AFDN: variants seen among roughly 807,000 people sequenced by gnomAD.
AFDN encodes the protein afadin, adherens junction formation factor.
A neutral mutation model predicts 216.6 loss-of-function variants in AFDN; 68 were observed. The observed-to-expected ratio is 0.31, with a 90% CI of 0.26 to 0.38. The LOEUF (loss-of-function observed/expected upper bound fraction) is 0.38. AFDN is among the 10% of genes least tolerant of loss of function. The probability of loss-of-function intolerance (pLI) is 1.00; values close to 1 mark genes in which losing one functional copy is unlikely to be tolerated. For synonymous variants in AFDN, 868 were observed against 853.7 expected (o/e 1.02, Z -0.29); for missense variants, 2,136 against 2,342.0 (o/e 0.91, Z 1.82).
chr6:167,964,124 C>T (rs1797301089), intron 31 of AFDN: 1 of 1,064,056 alleles, frequency 9.4e-7, no homozygotes, highest in Non-Finnish European at 1.1e-6. Flanking sequence ...TTTCATAACT[C>T]ATGATTATTT....
At chr6:167,898,160 G>C in intron 10 of AFDN, 45 bp from the exon 11 acceptor site, 1 of 1,604,850 alleles carries the variant, frequency 6.2e-7, no homozygotes, top group Non-Finnish European at 8.5e-7. Flanking sequence ...TTTAAATGCT[G>C]TGAACTTCAT....
chr6:167,873,339 T>TCACTTGATATTTTTTC (rs1319398835), intron 4 of AFDN, among the ~76,000 whole-genome samples: 2 of 152,230 alleles, frequency 1.3e-5, no homozygotes, highest in African/African-American at 4.8e-5. Context: ...AACTGGATTT[T>TCACTTGATATTTTTTC]CACTTGATAT....
At chr6:167,891,195 A>T (rs1787528147) in intron 8 of AFDN, among the ~76,000 whole-genome samples, 166 bp downstream of exon 8, 1 of 152,218 alleles carries the variant, frequency 6.6e-6, no homozygotes, top group Admixed American at 6.5e-5. Context: ...CTCTTAAATT[A>T]TTAAAACTTA....
At chr6:167,920,914 C>T (rs1407349519) in intron 21 of AFDN, among the ~76,000 whole-genome samples, 1 of 152,136 alleles carries the variant, frequency 6.6e-6, no homozygotes, top group Non-Finnish European at 1.5e-5. Context: ...ATGTCTTCCC[C>T]AGGAGTGATT....
intron 22 of AFDN, 121 bp from the exon 23 acceptor site, chr6:167,924,884 C>G: frequency 1.3e-6 from 1 of 785,756 alleles, no homozygotes; most frequent in Non-Finnish European, 2.3e-6. Flanking sequence ...TGTTTATCTT[C>G]TCATCCTTTT....
rs116488930 is a variant in AFDN at position 167,943,605 on chromosome 6, C to G, written c.3239+130C>G. ...ATTACTCTTTACCTTTTATAGTGTA[C>G]GTGACATTTCACTTGTTATCAAATT... On this transcript the variant is annotated intron_variant, in intron 25 of 33. Coordinates refer to ENST00000683244, the MANE Select transcript of AFDN (RefSeq NM_001386888.1). The G allele has an allele frequency of 7.2e-4, 486 of 678,876 alleles. 4 individuals carry two copies. In the East Asian group the frequency reaches 0.012, roughly 17 times the overall value. The allele number at this position is 678,876 out of a possible 1,614,324, so 42.1% of individuals were successfully genotyped here.
intron 1 of AFDN, among the ~76,000 whole-genome samples, chr6:167,861,391 T>G (rs1449996627): frequency 6.6e-6 from 1 of 152,184 alleles, no homozygotes; most frequent in Non-Finnish European, 1.5e-5. Context: ...CCTGGAACAT[T>G]GTTTCCAGGA....
In AFDN at chr6:167,952,046, G is replaced by A. The variant is rs777902729; in HGVS notation, c.4692G>A (p.Leu1564=). The change falls in exon 30 of 34, where the codon CTG becomes CTA. Residue 1564 remains leucine (L), a synonymous_variant. Transcript: ENST00000683244. Reference sequence around the variant, plus strand: ...GCAGCGCCGAGGAGAGCGACCGGCTGCGCAAGCTCATGCTGGAGTGGCAGT... The same window carrying A: ...GCAGCGCCGAGGAGAGCGACCGGCTACGCAAGCTCATGCTGGAGTGGCAGT... ...PDRSAEESDR[L]RKLMLEWQFQ... The A allele has an allele frequency of 3.7e-6, 6 of 1,614,100 alleles. No homozygotes were observed. In the Admixed American group the frequency reaches 5.0e-5, roughly 13 times the overall value.
chr6:167,918,189 A>G (rs140295702), intron 20 of AFDN, among the ~76,000 whole-genome samples: 1 of 152,348 alleles, frequency 6.6e-6, no homozygotes, highest in East Asian at 1.9e-4. Context: ...ACTTTCCTAT[A>G]TGTGGGTAAT....
intron 8 of AFDN, among the ~76,000 whole-genome samples, chr6:167,893,375 G>A (rs987987067): frequency 3.3e-5 from 5 of 152,100 alleles, no homozygotes; most frequent in Non-Finnish European, 5.9e-5. Context: ...TATTTCCCCT[G>A]GGCACATTGT....
chr6:167,921,516 T>C (rs538324499), intron 21 of AFDN, among the ~76,000 whole-genome samples: 1 of 152,334 alleles, frequency 6.6e-6, no homozygotes, highest in Admixed American at 6.5e-5. Flanking sequence ...GCCGTCAATA[T>C]ATATTCCTTT....
intron 1 of AFDN, chr6:167,828,054 G>A (rs1167946016): frequency 6.6e-6 from 1 of 152,204 alleles, no homozygotes; most frequent in Non-Finnish European, 1.5e-5. Context: ...GTGAAGGGTC[G>A]GGGAGCAACC....
rs151095520 is a variant in AFDN, at chr6:167,895,992, T to A, written c.1223-886T>A. 4.3e-3 allele frequency among the ~76,000 whole-genome samples: 653 copies of A among 152,258 alleles called. 8 individuals are homozygous for A. Among genetic ancestry groups the A allele is most frequent in the African/African-American group, 0.015 (616 of 41,542 alleles). ...CATTCATGGGTTCTGGAAGGCACAT[T>A]TTCTCATATGTCAACTCTGAAATCA... On this transcript the variant is annotated intron_variant, in intron 9 of 33. Coordinates refer to ENST00000683244, the MANE Select transcript of AFDN (RefSeq NM_001386888.1).
At chr6:167,966,317 G>A in intron 32 of AFDN, 1 of 1,406,054 alleles carries the variant, frequency 7.1e-7, no homozygotes, top group Non-Finnish European at 9.4e-7. Context: ...CTTAATGATT[G>A]GAACCTCAGC....
chr6:167,966,081 G>A, intron 32 of AFDN, 36 bp downstream of exon 32: 1 of 1,538,306 alleles, frequency 6.5e-7, no homozygotes, highest in Non-Finnish European at 8.7e-7. Context: ...AAAGTCTCAT[G>A]GGGACCTTCT....
intron 1 of AFDN, among the ~76,000 whole-genome samples, chr6:167,850,760 A>C (rs1488095916): frequency 6.6e-6 from 1 of 152,108 alleles, no homozygotes; most frequent in Non-Finnish European, 1.5e-5. Flanking sequence ...GAACATGGTT[A>C]TTTTCTGTAG....
intron 1 of AFDN, among the ~76,000 whole-genome samples, chr6:167,859,028 G>A (rs1282251756): frequency 6.6e-6 from 1 of 151,418 alleles, no homozygotes; most frequent in Admixed American, 6.6e-5. Flanking sequence ...TGAATACAGT[G>A]GAAAGAATGT....
At position 167,851,805 on chromosome 6, in the gene AFDN, GT is replaced by G. The variant is rs1229576599; in HGVS notation, c.106-12743del. 2.0e-5 allele frequency among the ~76,000 whole-genome samples: 3 copies of G among 152,108 alleles called. No individual in the cohort carries two copies. In the East Asian group the frequency reaches 5.8e-4, roughly 29 times the overall value. On this transcript the variant is annotated intron_variant, in intron 1 of 33. Coordinates refer to ENST00000683244, the MANE Select transcript of AFDN (RefSeq NM_001386888.1). ...TGCTTGTTGAGTGTAAGCAAGCTAT[GT>G]TTGGCTTCTGATGTTAAATAATTCA...
chr6:167,864,623 A>G lies in AFDN; in HGVS notation c.178A>G (p.Ile60Val), dbSNP rs1466078070. ...KAAGNFATKCIRVSSTATTQD... is the reference protein window; with the variant it reads ...KAAGNFATKCVRVSSTATTQD... ...TGCTGGAAACTTTGCAACAAAATGT[A>G]TTCGGGTCTCTAGTACTGCCACCAC... The change falls in exon 2 of 34, where the codon ATT becomes GTT. Residue 60 changes from isoleucine to valine, a missense_variant. By Grantham distance (29) the Ile-to-Val change is conservative. Transcript: ENST00000683244. 6.2e-7 allele frequency: 1 copy of G among 1,614,196 alleles called. No individual in the cohort carries two copies. Among genetic ancestry groups the G allele is most frequent in the Non-Finnish European group, 8.5e-7 (1 of 1,180,026 alleles).
Sources: allele counts gnomAD v4.1 joint callset (sites outside exome capture counted in the v4.1 genomes callset), GRCh38; gene constraint gnomAD v4.1.1; transcripts MANE v1.5; gene names NCBI Gene and HGNC (gene_info 2026-07-23, HGNC 2026-07-21).